Variants in AMPH observed in about 807,000 individuals in gnomAD.
AMPH encodes the protein amphiphysin, also known as amphiphysin (Stiff-Mann syndrome with breast cancer 128kD autoantigen).
AMPH carries 49 observed loss-of-function variants against 99.1 expected under a neutral mutation model. The ratio of observed to expected loss-of-function variants is 0.49; its 90% CI spans 0.39 to 0.63. AMPH has a LOEUF of 0.63. AMPH is among the 20% of genes least tolerant of loss of function. The probability of loss-of-function intolerance (pLI) is 0.00; values close to 1 mark genes in which losing one functional copy is unlikely to be tolerated. For missense variants in AMPH, 759 were observed against 863.4 expected, an observed-to-expected ratio of 0.88 and a Z score of 1.52; for synonymous variants, 314 against 317.3, an observed-to-expected ratio of 0.99 and a Z score of 0.11.
intron 1 of AMPH, among the ~76,000 whole-genome samples, chr7:38,610,260 AAAAG>A (rs1359407169): frequency 0.013 from 149 of 11,092 alleles, 4 homozygotes; most frequent in East Asian, 0.031. Flanking sequence ...AAAAAAAAAA[AAAAG>A]AAAGAAAGAA....
chr7:38,520,577 C>T (rs1238964687), intron 2 of AMPH, among the ~76,000 whole-genome samples: 1 of 152,062 alleles, frequency 6.6e-6, no homozygotes, highest in East Asian at 1.9e-4. Flanking sequence ...TGAATGAGAA[C>T]ATAGATACAC....
chr7:38,559,077 G>T (rs750238857), intron 1 of AMPH, among the ~76,000 whole-genome samples: 2 of 152,180 alleles, frequency 1.3e-5, no homozygotes, highest in Non-Finnish European at 2.9e-5. Flanking sequence ...CCATGTTCAC[G>T]TTGTCAAACT....
At chr7:38,613,022 T>C (rs1340117118) in intron 1 of AMPH, among the ~76,000 whole-genome samples, 1 of 152,164 alleles carries the variant, frequency 6.6e-6, no homozygotes, top group African/African-American at 2.4e-5. Context: ...GTACTTAAAA[T>C]ATTAGTTCTG....
chr7:38,612,670 C>T (rs985172372), intron 1 of AMPH, among the ~76,000 whole-genome samples: 17 of 152,100 alleles, frequency 1.1e-4, no homozygotes, highest in Admixed American at 1.0e-3. Context: ...GGGTCTCTTT[C>T]CCCATGGTTG....
chr7:38,455,946 G>A (rs984960838), intron 11 of AMPH, among the ~76,000 whole-genome samples: 2 of 152,214 alleles, frequency 1.3e-5, no homozygotes, highest in East Asian at 3.9e-4. Flanking sequence ...ACCTCTGAGG[G>A]CTGCTGTGGA....
At position 38,436,160 on chromosome 7, in the gene AMPH, A is replaced by T. The variant is rs1000458219; in HGVS notation, c.1134+112T>A. ...CTTTCCTATTAGGAAATATCTGTCA[A>T]CCAAAAATAAAAATAGATAGTAGTC... On this transcript the variant is annotated intron_variant, in intron 12 of 20. Transcript: ENST00000356264. 1.8e-5 allele frequency: 14 copies of T among 781,924 alleles called. No individual in the cohort carries two copies. In the South Asian group the frequency reaches 2.4e-4, roughly 13 times the overall value. 48.4% of individuals were successfully genotyped at this position (781,924 alleles called of 1,614,324 possible). A position where few individuals can be genotyped will look rare whatever the true frequency, so the allele number is the denominator to read the frequency against.
chr7:38,551,899 T>A (rs2129046224), intron 1 of AMPH, among the ~76,000 whole-genome samples: 1 of 152,330 alleles, frequency 6.6e-6, no homozygotes, highest in African/African-American at 2.4e-5. Flanking sequence ...GAAATGCACT[T>A]CCTTTTAAAT....
intron 1 of AMPH, among the ~76,000 whole-genome samples, chr7:38,592,616 A>C (rs905767416): frequency 1.3e-5 from 2 of 151,986 alleles, no homozygotes; most frequent in Non-Finnish European, 2.9e-5. Flanking sequence ...CTGTAGTCCC[A>C]GCTACTTGGG....
chr7:38,452,666 T>C (rs1376237888), intron 11 of AMPH, among the ~76,000 whole-genome samples: 2 of 152,236 alleles, frequency 1.3e-5, no homozygotes, highest in East Asian at 3.8e-4. Context: ...TTCTCTGGAA[T>C]AAATCTATTA....
At chr7:38,393,815 T>C (rs891647918) in intron 18 of AMPH, among the ~76,000 whole-genome samples, 190 bp downstream of exon 18, 1 of 152,212 alleles carries the variant, frequency 6.6e-6, no homozygotes, top group Non-Finnish European at 1.5e-5. Flanking sequence ...ATATGCAACA[T>C]TGCAATGCTG....
chr7:38,428,596 TTTTC>T (rs1248489620), intron 14 of AMPH: 1 of 456,674 alleles, frequency 2.2e-6, no homozygotes, highest in South Asian at 1.5e-5. Context: ...TCTATTGCAT[TTTTC>T]TTTATGTCTT....
chr7:38,397,083 CAG>C (rs1214435793), intron 17 of AMPH, among the ~76,000 whole-genome samples: 4 of 152,320 alleles, frequency 2.6e-5, no homozygotes, highest in African/African-American at 9.6e-5. Flanking sequence ...TATGGACAAA[CAG>C]AGCAGCAGAC....
intron 1 of AMPH, among the ~76,000 whole-genome samples, chr7:38,589,958 G>A (rs1792795365): frequency 6.6e-6 from 1 of 152,188 alleles, no homozygotes; most frequent in African/African-American, 2.4e-5. Context: ...ATGAGTTCTT[G>A]TTGCTCGAAA....
chr7:38,603,546 T>C (rs1043803128), intron 1 of AMPH, among the ~76,000 whole-genome samples: 2 of 152,178 alleles, frequency 1.3e-5, no homozygotes, highest in Admixed American at 6.5e-5. Context: ...GTTAGCTAGG[T>C]ACAAGCTACA....
chr7:38,419,514 C>T (rs565541299), intron 16 of AMPH, among the ~76,000 whole-genome samples: 1 of 152,224 alleles, frequency 6.6e-6, no homozygotes, highest in East Asian at 1.9e-4. Flanking sequence ...ATAAAATTCA[C>T]ACTAATATGC....
chr7:38,518,697 C>T (rs1001501636), intron 2 of AMPH, among the ~76,000 whole-genome samples: 2 of 152,168 alleles, frequency 1.3e-5, no homozygotes, highest in Admixed American at 6.5e-5. Context: ...AGGAATTAGC[C>T]TCAGGATGAA....
At chr7:38,507,914 G>T (rs1488972563) in intron 2 of AMPH, among the ~76,000 whole-genome samples, 1 of 152,142 alleles carries the variant, frequency 6.6e-6, no homozygotes, top group Non-Finnish European at 1.5e-5. Context: ...AAGGTGCAAC[G>T]GGTGTGGGAA....
At chr7:38,438,473 C>A (rs922766555) in intron 11 of AMPH, among the ~76,000 whole-genome samples, 18 of 152,308 alleles carry the variant, frequency 1.2e-4, no homozygotes, top group African/African-American at 3.6e-4. Flanking sequence ...GCCCCAGACC[C>A]AAGTTTCTTA....
At chr7:38,463,137 C>A in intron 9 of AMPH, 24 bp from the exon 10 acceptor site, 1 of 1,613,842 alleles carries the variant, frequency 6.2e-7, no homozygotes, top group Non-Finnish European at 8.5e-7. Flanking sequence ...GGGGATTGGG[C>A]AAGGGGCCTT....
Sources: allele counts gnomAD v4.1 joint callset (sites outside exome capture counted in the v4.1 genomes callset), GRCh38; gene constraint gnomAD v4.1.1; transcripts MANE v1.5; gene names NCBI Gene and HGNC (gene_info 2026-07-23, HGNC 2026-07-21).